Variants in DGKB observed in about 807,000 individuals in gnomAD.
DGKB encodes 90 kDa diacylglycerol kinase.
A neutral mutation model predicts 114.3 loss-of-function variants in DGKB; 67 were observed. The ratio of observed to expected loss-of-function variants is 0.59; its 90% CI spans 0.48 to 0.72. The LOEUF is 0.72. Among genes scored for constraint, DGKB ranks in the 30% least tolerant of loss-of-function variants. The pLI is 0.00. For missense variants in DGKB, 907 were observed against 975.2 expected (o/e 0.93, Z 0.93); for synonymous variants, 398 against 323.1 (o/e 1.23, Z -2.49).
At chr7:14,881,594 G>A (rs1854241076) in intron 1 of DGKB, among the ~76,000 whole-genome samples, 1 of 152,068 alleles carries the variant, frequency 6.6e-6, no homozygotes. Flanking sequence ...TAGGCAAAAT[G>A]ATTGCTAGGT....
chr7:14,260,087 T>TACAC lies in DGKB; in HGVS notation c.2122+78424_2122+78427dup, dbSNP rs60392482. 6.3e-3 allele frequency among the ~76,000 whole-genome samples: 946 copies of TACAC among 150,992 alleles called. 13 individuals carry two copies. The highest frequency in any genetic ancestry group is 0.021 in the African/African-American group (872 of 41,144). Reference sequence around the variant, plus strand: ...ACACATATACATCCCTACATATGTGTACACACACACACACACACATGAACA... The same window carrying TACAC: ...ACACATATACATCCCTACATATGTGTACACACACACACACACACACACATGAACA... On this transcript the variant is annotated intron_variant, in intron 23 of 25. Coordinates refer to ENST00000402815, the MANE Select transcript of DGKB (RefSeq NM_001350709.2).
chr7:14,689,066 T>A (rs190779135), intron 9 of DGKB, among the ~76,000 whole-genome samples: 3 of 151,608 alleles, frequency 2.0e-5, no homozygotes, highest in Non-Finnish European at 2.9e-5. Context: ...TTAACTTATA[T>A]AGAGAGAGAG....
At chr7:14,856,993 C>G (rs1227269947) in intron 1 of DGKB, among the ~76,000 whole-genome samples, 1 of 152,076 alleles carries the variant, frequency 6.6e-6, no homozygotes, top group African/African-American at 2.4e-5. Flanking sequence ...ATGTTCCTGA[C>G]CAATAGAACA....
chr7:14,159,130 T>C (rs1239903916), intron 25 of DGKB, among the ~76,000 whole-genome samples: 3 of 152,070 alleles, frequency 2.0e-5, no homozygotes, highest in Non-Finnish European at 4.4e-5. Flanking sequence ...GCTAAACATT[T>C]CTCATGAGGG....
At chr7:14,479,598 C>A (rs1446060678) in intron 20 of DGKB, among the ~76,000 whole-genome samples, 1 of 152,050 alleles carries the variant, frequency 6.6e-6, no homozygotes, top group Non-Finnish European at 1.5e-5. Flanking sequence ...CTAGGAAGTA[C>A]AAATATCAAG....
intron 21 of DGKB, among the ~76,000 whole-genome samples, chr7:14,375,397 A>G (rs981120051): frequency 6.6e-6 from 1 of 152,268 alleles, no homozygotes; most frequent in Non-Finnish European, 1.5e-5. Context: ...AACATGTACT[A>G]TGTGCTTTAC....
At chr7:14,707,143 C>T (rs1370430335) in intron 6 of DGKB, among the ~76,000 whole-genome samples, 3 of 134,866 alleles carry the variant, frequency 2.2e-5, no homozygotes, top group Admixed American at 7.5e-5. Context: ...ATATCACCAC[C>T]GATTCCACAG....
intron 23 of DGKB, among the ~76,000 whole-genome samples, chr7:14,290,580 T>C (rs926318950): frequency 2.0e-5 from 3 of 152,156 alleles, no homozygotes; most frequent in Admixed American, 1.3e-4. Flanking sequence ...CTGATTATTG[T>C]TGGTGGTTGT....
At chr7:14,819,016 A>G (rs1381680893) in intron 2 of DGKB, among the ~76,000 whole-genome samples, 1 of 152,002 alleles carries the variant, frequency 6.6e-6, no homozygotes, top group Non-Finnish European at 1.5e-5. Flanking sequence ...TCTTTAGGCT[A>G]TTTGCTCTCT....
At chr7:14,900,008 G>A (rs110786) in intron 1 of DGKB, among the ~76,000 whole-genome samples, 151,255 of 152,250 alleles carry the variant, frequency 0.99, 75,135 homozygotes, top group East Asian at 1. Flanking sequence ...AGAAAATGCC[G>A]TCTCCCTCCT....
chr7:14,180,393 T>G (rs1196725939), intron 23 of DGKB, among the ~76,000 whole-genome samples: 1 of 152,198 alleles, frequency 6.6e-6, no homozygotes. Flanking sequence ...TTCTTTCTTT[T>G]AATTTGTCTT....
chr7:14,231,095 CTTTCTTTCTTTCTT>C (rs1562684300), intron 23 of DGKB, among the ~76,000 whole-genome samples: 18 of 102,234 alleles, frequency 1.8e-4, no homozygotes, highest in East Asian at 3.4e-4. Context: ...TTCTTTCTTT[CTTTCTTTCTTTCTT>C]TCTTTCTTTC....
rs56176139 is a variant in DGKB at position 14,937,025 on chromosome 7, T to TACACACAC, written c.-188+37663_-188+37670dup. 1.1e-3 allele frequency among the ~76,000 whole-genome samples: 149 copies of TACACACAC among 132,348 alleles called. 1 individual carries two copies. In the Middle Eastern group the frequency reaches 0.012, roughly 10 times the overall value. The allele number at this position is 132,348 out of a possible 152,430, so 86.8% of individuals were successfully genotyped here. On this transcript the variant is annotated intron_variant, in intron 1 of 4. Transcript: ENST00000437998. ...TATTGATGTGATTATGTCCATTCAC[T>TACACACAC]ACACACACACACACACACACACACA...
At position 14,232,742 on chromosome 7, in the gene DGKB, A is replaced by C. The variant is rs184147021; in HGVS notation, c.2123-54591T>G. Among the ~76,000 whole-genome samples, 190 of 152,142 alleles carry C rather than the reference A, an allele frequency of 1.2e-3. 2 individuals carry two copies. Among genetic ancestry groups the C allele is most frequent in the Non-Finnish European group, 2.5e-4 (17 of 67,978 alleles). ...TAATTAGAAAACAATATTTAGTGTA[A>C]AGTGTTTTATCATTTTACTAGCTTA... On this transcript the variant is annotated intron_variant, in intron 23 of 25. Coordinates refer to ENST00000402815, the MANE Select transcript of DGKB (RefSeq NM_001350709.2).
In DGKB at chr7:14,841,018, T is replaced by C. The variant is rs1369028118; in HGVS notation, c.70+176A>G. ...ATGTAATACTTGATTTAATTTACCT[T>C]TTCCTTTCTCTTGTGTCAAAAAGGT... is the stretch of plus-strand genomic sequence containing the variant. On this transcript the variant is annotated intron_variant, in intron 2 of 25. Transcript: ENST00000402815. Among the ~76,000 whole-genome samples the C allele has an allele frequency of 5.3e-5, 8 of 152,298 alleles. No homozygotes were observed. In the East Asian group the frequency reaches 1.5e-3, roughly 29 times the overall value.
chr7:14,508,430 T>G (rs902491002), intron 20 of DGKB, among the ~76,000 whole-genome samples: 5 of 152,242 alleles, frequency 3.3e-5, no homozygotes, highest in Non-Finnish European at 7.3e-5. Context: ...TTTGGCAGTT[T>G]GCCTGAAATG....
intron 1 of DGKB, among the ~76,000 whole-genome samples, chr7:14,888,897 A>G (rs1018270739): frequency 6.6e-6 from 1 of 151,692 alleles, no homozygotes; most frequent in East Asian, 1.9e-4. Flanking sequence ...TAATTTTCTA[A>G]GTTTAATGAT....
intron 21 of DGKB, among the ~76,000 whole-genome samples, chr7:14,385,787 G>A (rs1384099938): frequency 6.6e-6 from 1 of 152,140 alleles, no homozygotes; most frequent in Non-Finnish European, 1.5e-5. Flanking sequence ...TAAATAATAA[G>A]ATCTAGCAGT....
intron 1 of DGKB, among the ~76,000 whole-genome samples, chr7:14,949,752 C>A (rs1786075050): frequency 1.3e-5 from 2 of 151,922 alleles, no homozygotes; most frequent in South Asian, 4.1e-4. Context: ...CACATATACA[C>A]CATGGAATAC....
Sources: gnomAD v4.1 joint callset for allele counts (sites outside exome capture counted in the v4.1 genomes callset) on GRCh38, gnomAD v4.1.1 for gene constraint, MANE v1.5 for transcripts, NCBI Gene and HGNC (gene_info 2026-07-23, HGNC 2026-07-21) for gene names.